NTM: variants seen among roughly 807,000 people sequenced by gnomAD.
NTM encodes neurotrimin.
NTM carries 13 observed loss-of-function variants against 42.1 expected under a neutral mutation model. The ratio of observed to expected loss-of-function variants is 0.31; its 90% CI spans 0.20 to 0.49. The LOEUF (loss-of-function observed/expected upper bound fraction) is 0.49, where lower values mean the gene tolerates loss of function less well. Among genes scored for constraint, NTM ranks in the 20% least tolerant of loss-of-function variants. The probability of loss-of-function intolerance (pLI) is 0.99; values close to 1 mark genes in which losing one functional copy is unlikely to be tolerated. For synonymous variants in NTM, 187 were observed against 179.2 expected (o/e 1.04, Z -0.35); for missense variants, 373 against 452.8 (o/e 0.82, Z 1.60).
intron 1 of NTM, among the ~76,000 whole-genome samples, chr11:131,906,456 T>C (rs766053343): frequency 6.6e-6 from 1 of 152,142 alleles, no homozygotes; most frequent in Non-Finnish European, 1.5e-5. Flanking sequence ...AAGAAATGAA[T>C]GGATTATACT....
intron 1 of NTM, among the ~76,000 whole-genome samples, chr11:131,642,725 T>G (rs2065284564): frequency 6.6e-6 from 1 of 152,190 alleles, no homozygotes; most frequent in African/African-American, 2.4e-5. Context: ...ATCTTGACCT[T>G]TCTGAAAGAT....
chr11:131,573,859 T>C, intron 1 of NTM, among the ~76,000 whole-genome samples: 1 of 152,104 alleles, frequency 6.6e-6, no homozygotes, highest in South Asian at 2.1e-4. Flanking sequence ...ATGGATTTCT[T>C]CTAGGGGGCT....
At chr11:131,822,411 A>G (rs1325478544) in intron 1 of NTM, among the ~76,000 whole-genome samples, 1 of 152,236 alleles carries the variant, frequency 6.6e-6, no homozygotes, top group Non-Finnish European at 1.5e-5. Flanking sequence ...TGTAAAATGT[A>G]TAATAATAAA....
At chr11:131,529,074 T>C (rs879003931) in intron 1 of NTM, among the ~76,000 whole-genome samples, 1 of 152,218 alleles carries the variant, frequency 6.6e-6, no homozygotes, top group Non-Finnish European at 1.5e-5. Flanking sequence ...CTGAAATTAG[T>C]CACCTCCTGG....
At chr11:131,730,576 G>A (rs769379660) in intron 1 of NTM, among the ~76,000 whole-genome samples, 34 of 151,978 alleles carry the variant, frequency 2.2e-4, no homozygotes, top group Non-Finnish European at 4.7e-4. Context: ...TAAATCAGCT[G>A]GGCACAGCGA....
chr11:131,594,593 C>T (rs1307137576), intron 1 of NTM, among the ~76,000 whole-genome samples: 1 of 151,968 alleles, frequency 6.6e-6, no homozygotes, highest in Non-Finnish European at 1.5e-5. Context: ...GAGATGGGGT[C>T]TTACTATATT....
At chr11:131,380,554 T>G (rs1942545916) in intron 1 of NTM, among the ~76,000 whole-genome samples, 1 of 152,124 alleles carries the variant, frequency 6.6e-6, no homozygotes, top group Non-Finnish European at 1.5e-5. Flanking sequence ...GCACTTTTTC[T>G]TACCTTTACT....
intron 2 of NTM, among the ~76,000 whole-genome samples, chr11:131,943,242 G>T (rs997302266): frequency 2.6e-5 from 4 of 152,160 alleles, no homozygotes; most frequent in Admixed American, 2.6e-4. Flanking sequence ...AAGCTCTCTT[G>T]CTACCATGCC....
At chr11:131,826,240 A>T (rs2042111240) in intron 1 of NTM, among the ~76,000 whole-genome samples, 1 of 152,112 alleles carries the variant, frequency 6.6e-6, no homozygotes, top group South Asian at 2.1e-4. Flanking sequence ...GGGGCAGAGG[A>T]GGGAGTTGCC....
intron 1 of NTM, among the ~76,000 whole-genome samples, chr11:131,829,344 C>T (rs549110955): frequency 6.6e-6 from 1 of 152,108 alleles, no homozygotes; most frequent in East Asian, 1.9e-4. Flanking sequence ...CCTCCCTGTC[C>T]CCTCCCTCTA....
intron 1 of NTM, among the ~76,000 whole-genome samples, chr11:131,399,143 G>A (rs986122723): frequency 1.3e-5 from 2 of 151,958 alleles, no homozygotes; most frequent in Non-Finnish European, 2.9e-5. Context: ...TCTTCTCCTC[G>A]CACCCCAAAC....
intron 3 of NTM, among the ~76,000 whole-genome samples, chr11:132,203,488 C>T (rs11222974): frequency 0.023 from 3,433 of 152,226 alleles, 133 homozygotes; most frequent in East Asian, 0.12. Context: ...AAAACCTCGG[C>T]TTCTGATATG....
At chr11:131,442,407 G>A (rs1021750220) in intron 1 of NTM, among the ~76,000 whole-genome samples, 1 of 152,184 alleles carries the variant, frequency 6.6e-6, no homozygotes, top group Non-Finnish European at 1.5e-5. Flanking sequence ...AGCTTTCAGT[G>A]CATGGTCAAA....
Position 131,582,595 on chromosome 11 carries a change from T to TAAA in NTM, c.82+211717_82+211719dup, listed in dbSNP as rs10674279. ...CTAGATGAGTCTCCATGTTCTTGCTTAAAAAAAAAAAATATTATTTACTCC... is the reference window on the plus strand; with the variant it reads ...CTAGATGAGTCTCCATGTTCTTGCTTAAAAAAAAAAAAAAATATTATTTACTCC... On this transcript the variant is annotated intron_variant, in intron 1 of 8. Transcript: ENST00000683400. 3.7e-3 allele frequency among the ~76,000 whole-genome samples: 554 copies of TAAA among 149,788 alleles called. 2 individuals are homozygous for TAAA. The highest frequency in any genetic ancestry group is 0.012 in the African/African-American group (473 of 40,556).
intron 2 of NTM, among the ~76,000 whole-genome samples, chr11:132,098,332 G>C (rs914947274): frequency 6.6e-6 from 1 of 152,194 alleles, no homozygotes. Context: ...TGCAAAAAAG[G>C]TAGTCCAATA....
chr11:131,912,226 G>T (rs1022189829), intron 2 of NTM, among the ~76,000 whole-genome samples: 1 of 152,168 alleles, frequency 6.6e-6, no homozygotes, highest in Non-Finnish European at 1.5e-5. Flanking sequence ...TCTGAACGTG[G>T]CTTTCTGAGG....
At position 131,628,067 on chromosome 11, in the gene NTM, G is replaced by A. The variant is rs2063300736; in HGVS notation, c.82+257179G>A. The stretch of plus-strand genomic sequence containing the variant: ...TTGTCATGTTTGCAAAGACAATGTG[G>A]ACTATTCCAGGCTGTGAAACTCAAA... On this transcript the variant is annotated intron_variant, in intron 1 of 8. Transcript: ENST00000683400. Among the ~76,000 whole-genome samples the A allele has an allele frequency of 2.6e-5, 4 of 152,132 alleles. No individual in the cohort carries two copies. The South Asian group carries it at 8.3e-4, about 32-fold the overall frequency.
intron 3 of NTM, among the ~76,000 whole-genome samples, chr11:132,176,178 C>T (rs573805801): frequency 8.5e-5 from 13 of 152,252 alleles, no homozygotes; most frequent in East Asian, 1.9e-4. Context: ...GCGAGGGACA[C>T]GCTGATTCAT....
At chr11:131,672,561 C>T (rs2070524430) in intron 1 of NTM, among the ~76,000 whole-genome samples, 1 of 152,182 alleles carries the variant, frequency 6.6e-6, no homozygotes, top group Non-Finnish European at 1.5e-5. Context: ...ACCCATCAGA[C>T]CAGGCTCAAA....
Sources: allele counts gnomAD v4.1 joint callset (sites outside exome capture counted in the v4.1 genomes callset), GRCh38; gene constraint gnomAD v4.1.1; transcripts MANE v1.5; gene names NCBI Gene and HGNC (gene_info 2026-07-23, HGNC 2026-07-21).